The following TRPV6 variants were observed in gnomAD, a reference collection of about 807,000 sequenced individuals.
TRPV6 encodes Alu-binding protein with zinc finger domain.
Under a neutral mutation model 79.0 loss-of-function variants are expected in TRPV6, and 39 were observed. That is an observed-to-expected ratio of 0.49 (90% CI 0.38 to 0.64). The LOEUF is 0.64. TRPV6 is among the 30% of genes least tolerant of loss of function. TRPV6 has a pLI of 0.00. For missense variants in TRPV6, 813 were observed against 1,011.1 expected, an observed-to-expected ratio of 0.80 and a Z score of 2.66; for synonymous variants, 373 against 391.9, an observed-to-expected ratio of 0.95 and a Z score of 0.57.
chr7:142,874,938 G>T lies in TRPV6; in HGVS notation c.1372C>A (p.Gln458Lys), dbSNP rs766306101. ...TGGAATGGGCCCCCAAGGATGGTCT[G>T]TCCAAAGAAGCGAGTGACCCCCATT... The change falls in exon 10 of 15, where the codon CAG (glutamine) becomes AAG (lysine). Residue 458 changes from glutamine (Q) to lysine (K), a missense_variant. Transcript: ENST00000359396. 2 of 1,614,134 alleles carry T rather than the reference G, an allele frequency of 1.2e-6. No individual in the cohort carries two copies. Among genetic ancestry groups the T allele is most frequent in the Non-Finnish European group, 1.7e-6 (2 of 1,180,010 alleles).
At chr7:142,872,034 A>G (rs1350600654) in intron 14 of TRPV6, 45 bp from the exon 15 acceptor site, 1 of 1,541,690 alleles carries the variant, frequency 6.5e-7, no homozygotes, top group African/African-American at 1.4e-5. Flanking sequence ...GACTTGAAGA[A>G]CAGATCCAAG....
chr7:142,876,096 C>T (rs2116516431), intron 6 of TRPV6, 192 bp from the exon 7 acceptor site: 1 of 692,490 alleles, frequency 1.4e-6, no homozygotes, highest in East Asian at 2.7e-5. Flanking sequence ...TCTCCCATGA[C>T]TCCCTCCAGA....
chr7:142,877,604 CCCAA>C (rs1795103464), intron 3 of TRPV6, 43 bp downstream of exon 3: 1 of 1,591,938 alleles, frequency 6.3e-7, no homozygotes, highest in African/African-American at 1.3e-5. Context: ...ACTTGAAATA[CCCAA>C]CCAGTCACTC....
In TRPV6 at chr7:142,877,287, A is replaced by G; in HGVS notation, c.470-8T>C. ...TGTGCAGTGCAGTCTGACCTGGCCCAGAGACAGCTGTCAGTCACGGGTCTG... is the reference window on the plus strand; with the variant it reads ...TGTGCAGTGCAGTCTGACCTGGCCCGGAGACAGCTGTCAGTCACGGGTCTG... On this transcript the variant is annotated splice_region_variant and splice_polypyrimidine_tract_variant and intron_variant, in intron 3 of 14. Transcript: ENST00000359396. 1 of 1,612,888 alleles carries G rather than the reference A, an allele frequency of 6.2e-7. No homozygotes were observed. Among genetic ancestry groups the G allele is most frequent in the Non-Finnish European group, 8.5e-7 (1 of 1,178,992 alleles).
intron 6 of TRPV6, 95 bp downstream of exon 6, chr7:142,876,313 A>AT: frequency 1.3e-6 from 2 of 1,489,676 alleles, no homozygotes; most frequent in Non-Finnish European, 1.8e-6. Context: ...GGATCTAAGC[A>AT]TCAGGGATCG....
At chr7:142,874,055 T>C (rs1413019474) in intron 12 of TRPV6, 21 bp downstream of exon 12, 3 of 1,611,860 alleles carry the variant, frequency 1.9e-6, no homozygotes, top group African/African-American at 2.7e-5. Flanking sequence ...CCATGGCCCC[T>C]GGTCCTGGAC....
At chr7:142,880,782 G>C (rs1453572513) in intron 1 of TRPV6, 1 of 152,188 alleles carries the variant, frequency 6.6e-6, no homozygotes. Flanking sequence ...AGTTAGATTT[G>C]AATGTCAGAT....
chr7:142,884,526 T>C (rs1795260513), intron 1 of TRPV6: 2 of 152,198 alleles, frequency 1.3e-5, no homozygotes, highest in Admixed American at 6.5e-5. Context: ...AGAGACCACA[T>C]GCAGGGATAG....
At position 142,877,071 on chromosome 7, in the gene TRPV6, C is replaced by T. The variant is rs928353011; in HGVS notation, c.607+71G>A. On this transcript the variant is annotated intron_variant, in intron 4 of 14. Coordinates refer to ENST00000359396, the MANE Select transcript of TRPV6 (RefSeq NM_018646.6). The stretch of plus-strand genomic sequence containing the variant: ...AGATACGGCTGAAGACAGGATCCTC[C>T]TCTGCCTGGCCCTGCCCTGCCTTGC... The T allele has an allele frequency of 2.6e-6, 4 of 1,533,568 alleles. No individual in the cohort carries two copies. The African/African-American group carries it at 5.4e-5, about 21-fold the overall frequency. 95.0% of individuals were successfully genotyped at this position (1,533,568 alleles called of 1,614,324 possible).
intron 1 of TRPV6, chr7:142,885,188 C>T (rs1240932610): frequency 1.8e-5 from 9 of 510,516 alleles, no homozygotes; most frequent in Non-Finnish European, 2.4e-5. Flanking sequence ...AACACCTGTG[C>T]CCATCTCAAC....
chr7:142,873,923 T>A lies in TRPV6; in HGVS notation c.1639+153A>T. The A allele has an allele frequency of 1.8e-6, 2 of 1,087,340 alleles. No homozygotes were observed. Among genetic ancestry groups the A allele is most frequent in the Non-Finnish European group, 2.7e-6 (2 of 746,098 alleles). The allele number at this position is 1,087,340 out of a possible 1,614,324, so 67.4% of individuals were successfully genotyped here. ...CACCTCTCCCTAACACTCCCGATTTTTCTCACCTCTGGAGGACGTCCCATC... is the reference window on the plus strand; with the variant it reads ...CACCTCTCCCTAACACTCCCGATTTATCTCACCTCTGGAGGACGTCCCATC... On this transcript the variant is annotated intron_variant, in intron 12 of 14. Transcript: ENST00000359396. The surrounding 1 kb of genome is among the most constrained non-coding windows in gnomAD (Gnocchi z 4.8).
In TRPV6 at chr7:142,875,119, G is replaced by A; in HGVS notation, c.1288C>T (p.Leu430=). Residue 430 remains leucine, a synonymous_variant, in exon 9 of 15, where the codon CTG becomes TTG. Transcript: ENST00000359396. ...ATGATAGCCCCAATGACAGTCACCA[G>A]CTCCCCGACCAGCCGGATATCGTCC... 1 of 1,614,124 alleles carries A rather than the reference G, an allele frequency of 6.2e-7. No individual in the cohort carries two copies. The highest frequency in any genetic ancestry group is 8.5e-7 in the Non-Finnish European group (1 of 1,180,018).
chr7:142,875,959 G>T, intron 6 of TRPV6, 55 bp from the exon 7 acceptor site: 1 of 1,521,852 alleles, frequency 6.6e-7, no homozygotes, highest in Admixed American at 2.1e-5. Context: ...CGGTCACAGA[G>T]TGTGGATAGG....
At chr7:142,874,040 C>T (rs1352585847) in intron 12 of TRPV6, 36 bp downstream of exon 12, 2 of 1,606,630 alleles carry the variant, frequency 1.2e-6, no homozygotes, top group Non-Finnish European at 1.7e-6. Context: ...CTCATCTCTT[C>T]CCTGCCATGG....
intron 1 of TRPV6, 96 bp from the exon 2 acceptor site, chr7:142,878,122 G>GTATAA: frequency 1.0e-6 from 1 of 998,244 alleles, no homozygotes; most frequent in Non-Finnish European, 1.6e-6. Flanking sequence ...ACACAGATGT[G>GTATAA]TGTGCCTCAG....
At chr7:142,884,676 C>G (rs1029380701) in intron 1 of TRPV6, 2 of 152,184 alleles carry the variant, frequency 1.3e-5, no homozygotes, top group African/African-American at 2.4e-5. Context: ...GCTAGAGTCT[C>G]GATTTCCACC....
At chr7:142,876,142 G>A (rs1260087640) in intron 6 of TRPV6, 1 of 680,606 alleles carries the variant, frequency 1.5e-6, no homozygotes, top group Non-Finnish European at 2.4e-6. Context: ...GGAGGGCCCT[G>A]CTCTGGGGGC....
chr7:142,878,058 C>T (rs757690296), intron 1 of TRPV6, 32 bp from the exon 2 acceptor site: 1 of 1,575,514 alleles, frequency 6.3e-7, no homozygotes, highest in East Asian at 2.2e-5. Flanking sequence ...AAGCTGGAAA[C>T]AGTGAGCATA....
rs543595708 is a variant in TRPV6, at chr7:142,874,270, T to C, written c.1573-128A>G. The C allele has an allele frequency of 8.5e-5, 103 of 1,212,982 alleles. 2 individuals are homozygous for C. The South Asian group carries it at 1.3e-3, about 15-fold the overall frequency. 75.1% of individuals were successfully genotyped at this position (1,212,982 alleles called of 1,614,324 possible). A position where few individuals can be genotyped will look rare whatever the true frequency, so the allele number is the denominator to read the frequency against. ...CTCTGGGACAGGGATTGGCTATCTA[T>C]GGCCTGTGGACCAGATCTACCTGAC... On this transcript the variant is annotated intron_variant, in intron 11 of 14. Transcript: ENST00000359396.
Sources: allele counts gnomAD v4.1 joint callset, GRCh38; gene constraint gnomAD v4.1.1; non-coding constraint Gnocchi (gnomAD v3.1); transcripts MANE v1.5; gene names NCBI Gene and HGNC (gene_info 2026-07-23, HGNC 2026-07-21).